Variants in SDK2 observed in about 807,000 individuals in gnomAD.
SDK2 encodes sidekick cell adhesion molecule 2, also known as protein sidekick-2.
In SDK2, 105 loss-of-function variants were observed where a neutral mutation model predicts 253.9. The observed-to-expected ratio is 0.41, with a 90% CI of 0.35 to 0.49. The LOEUF is 0.49. Among genes scored for constraint, SDK2 ranks in the 20% least tolerant of loss-of-function variants. The probability of loss-of-function intolerance (pLI) is 0.06; values close to 1 mark genes in which losing one functional copy is unlikely to be tolerated. For missense variants in SDK2, 2,608 were observed against 3,003.0 expected (o/e 0.87, Z 3.07); for synonymous variants, 1,249 against 1,234.9 (o/e 1.01, Z -0.24).
At position 73,447,692 on chromosome 17, in the gene SDK2, C is replaced by G. The variant is rs1411393146; in HGVS notation, c.536G>C (p.Gly179Ala). The part of the protein sequence containing the change: ...VILSTVAPDA[G>A]RYYVQAVNDK... ...GTTAACAGCCTGCACATAGTAGCGA[C>G]CTGCGTCAGGGGCCACCGTTGACAG... The change falls in exon 5 of 45, where the codon GGT (glycine) becomes GCT (alanine). Residue 179 changes from glycine to alanine, a missense_variant. Transcript: ENST00000392650. This position sits in a 1 kb window ranked among gnomAD's most constrained non-coding sequence, Gnocchi z 4.0. The G allele has an allele frequency of 1.3e-6, 2 of 1,551,776 alleles. No homozygotes were observed. Among genetic ancestry groups the G allele is most frequent in the Admixed American group, 3.9e-5 (2 of 51,014 alleles).
chr17:73,353,012 A>C (rs2062552429), intron 40 of SDK2, among the ~76,000 whole-genome samples: 1 of 152,134 alleles, frequency 6.6e-6, no homozygotes, highest in Non-Finnish European at 1.5e-5. Flanking sequence ...AATTGCTTGA[A>C]GCTGGGAGAT....
intron 1 of SDK2, among the ~76,000 whole-genome samples, chr17:73,603,472 G>T (rs8075325): frequency 0.26 from 39,494 of 152,058 alleles, 5,186 homozygotes; most frequent in South Asian, 0.33. Context: ...CCTCTGAAAT[G>T]TAGCTAGCCT....
At chr17:73,503,778 C>T (rs2063909318) in intron 2 of SDK2, among the ~76,000 whole-genome samples, 1 of 152,224 alleles carries the variant, frequency 6.6e-6, no homozygotes, top group Admixed American at 6.5e-5. Flanking sequence ...AATCAGGGTG[C>T]TCCATGCTGT....
At chr17:73,344,137 T>C (rs1459099064) in intron 44 of SDK2, among the ~76,000 whole-genome samples, 1 of 152,142 alleles carries the variant, frequency 6.6e-6, no homozygotes, top group Admixed American at 6.5e-5. Flanking sequence ...AACCTCAGAA[T>C]TGTGCCCCTG....
At chr17:73,484,297 G>A (rs552268865) in intron 2 of SDK2, among the ~76,000 whole-genome samples, 1 of 152,348 alleles carries the variant, frequency 6.6e-6, no homozygotes, top group African/African-American at 2.4e-5. Flanking sequence ...GAACCAAGGG[G>A]CTGGGGCTCT....
At chr17:73,514,242 G>T (rs575880696) in intron 1 of SDK2, among the ~76,000 whole-genome samples, 1 of 152,050 alleles carries the variant, frequency 6.6e-6, no homozygotes, top group Non-Finnish European at 1.5e-5. Context: ...AATGAAGAGC[G>T]GCCTTCAGAG....
chr17:73,366,303 C>T (rs142576286), intron 37 of SDK2, among the ~76,000 whole-genome samples: 10 of 152,258 alleles, frequency 6.6e-5, no homozygotes, highest in Middle Eastern at 3.4e-3. Flanking sequence ...CCCTGGGGTT[C>T]GCATCTGGCA....
intron 2 of SDK2, among the ~76,000 whole-genome samples, chr17:73,495,619 CGTGT>C (rs60091992): frequency 0.014 from 2,139 of 148,518 alleles, 50 homozygotes; most frequent in African/African-American, 0.048. Context: ...AGGCCTGCCC[CGTGT>C]GTGTGTGTGT....
At position 73,431,819 on chromosome 17, in the gene SDK2, G is replaced by A. The variant is rs2063328515; in HGVS notation, c.1313-150C>T. ...GAGGACAGATGGCGGTGGGGCTGGG[G>A]TGGGGGCTGAGAGACCTGGAGAGCT... On this transcript the variant is annotated intron_variant, in intron 10 of 44. Transcript: ENST00000392650. The surrounding 1 kb of genome is among the most constrained non-coding windows in gnomAD (Gnocchi z 5.6). 5.7e-6 allele frequency: 5 copies of A among 872,290 alleles called. No individual in the cohort carries two copies. The highest frequency in any genetic ancestry group is 8.4e-6 in the Non-Finnish European group (5 of 594,972). The allele number at this position is 872,290 out of a possible 1,614,324, so 54.0% of individuals were successfully genotyped here.
chr17:73,595,834 TGA>T (rs2045750232), intron 1 of SDK2, among the ~76,000 whole-genome samples: 1 of 152,030 alleles, frequency 6.6e-6, no homozygotes, highest in South Asian at 2.1e-4. Context: ...CCAGGGGGGC[TGA>T]GAGGGGCCAG....
Position 73,538,865 on chromosome 17 carries a change from G to A in SDK2, c.65-31268C>T, listed in dbSNP as rs980597043. Among the ~76,000 whole-genome samples, 4 of 152,302 alleles carry A rather than the reference G, an allele frequency of 2.6e-5. 2 individuals are homozygous for A. The highest frequency in any genetic ancestry group is 4.1e-4 in the South Asian group (2 of 4,828). ...GGGGCACCGACCAGTTAGAAGCAGA[G>A]TGGGCCTAGAAGCCAGGCCTCTGGA... On this transcript the variant is annotated intron_variant, in intron 1 of 44. Coordinates refer to ENST00000392650, the MANE Select transcript of SDK2 (RefSeq NM_001144952.2).
intron 2 of SDK2, among the ~76,000 whole-genome samples, chr17:73,501,525 C>T (rs1284097625): frequency 6.6e-6 from 1 of 152,214 alleles, no homozygotes; most frequent in Non-Finnish European, 1.5e-5. Flanking sequence ...CCTTGCTGTG[C>T]TCCCAGCTCT....
At chr17:73,376,268 C>A (rs187276816) in intron 36 of SDK2, among the ~76,000 whole-genome samples, 9 of 138,458 alleles carry the variant, frequency 6.5e-5, no homozygotes, top group Non-Finnish European at 1.1e-4. Context: ...CACCACCTGG[C>A]GGTATTATTT....
At chr17:73,369,460 C>T (rs771721539) in intron 36 of SDK2, among the ~76,000 whole-genome samples, 18 of 152,254 alleles carry the variant, frequency 1.2e-4, no homozygotes, top group Non-Finnish European at 1.2e-4. Context: ...CATACAGCAG[C>T]GGGACCTGGC....
At chr17:73,413,617 T>C (rs1568390484) in intron 18 of SDK2, among the ~76,000 whole-genome samples, 1 of 152,150 alleles carries the variant, frequency 6.6e-6, no homozygotes, top group Admixed American at 6.5e-5. Flanking sequence ...ACTTTCCAAG[T>C]GGTTATCATG....
intron 1 of SDK2, among the ~76,000 whole-genome samples, chr17:73,605,673 C>T (rs905423693): frequency 2.0e-5 from 3 of 152,186 alleles, no homozygotes; most frequent in Non-Finnish European, 2.9e-5. Flanking sequence ...CCTCCAAATT[C>T]GGGCAATACC....
At chr17:73,432,762 T>TTGTACGTGTGTGTGCACATGTGTA (rs1449706311) in intron 10 of SDK2, among the ~76,000 whole-genome samples, 1 of 138,766 alleles carries the variant, frequency 7.2e-6, no homozygotes, top group Non-Finnish European at 1.7e-5. Context: ...GCAACTGTGT[T>TTGTACGTGTGTGTGCACATGTGTA]TGTACGTGTG....
intron 1 of SDK2, among the ~76,000 whole-genome samples, chr17:73,568,152 C>T (rs996140346): frequency 5.8e-4 from 88 of 152,284 alleles, no homozygotes; most frequent in African/African-American, 1.9e-3. Context: ...TCCCTTGGTG[C>T]CCTTCCCACG....
intron 2 of SDK2, among the ~76,000 whole-genome samples, chr17:73,504,174 G>A (rs2063912023): frequency 6.7e-6 from 1 of 150,290 alleles, no homozygotes; most frequent in Non-Finnish European, 1.5e-5. Flanking sequence ...AAAGGACAGA[G>A]GAGATGGAGC....
Sources: allele counts gnomAD v4.1 joint callset (sites outside exome capture counted in the v4.1 genomes callset), GRCh38; gene constraint gnomAD v4.1.1; non-coding constraint Gnocchi (gnomAD v3.1); transcripts MANE v1.5; gene names NCBI Gene and HGNC (gene_info 2026-07-23, HGNC 2026-07-21).